CNTN6: variants seen among roughly 807,000 people sequenced by gnomAD.
CNTN6 encodes contactin-6.
CNTN6 carries 137 observed loss-of-function variants against 122.8 expected under a neutral mutation model. The ratio of observed to expected loss-of-function variants is 1.12; its 90% confidence interval spans 0.97 to 1.29. CNTN6 has a LOEUF of 1.29. CNTN6 is among the 50% of genes most tolerant of loss of function. The pLI is 0.00. For missense variants in CNTN6, 1,634 were observed against 1,223.4 expected (o/e 1.34, Z -5.01); for synonymous variants, 570 against 426.0 (o/e 1.34, Z -4.16).
intron 2 of CNTN6, among the ~76,000 whole-genome samples, chr3:1,153,324 C>T (rs2092890336): frequency 6.6e-6 from 1 of 152,130 alleles, no homozygotes; most frequent in Non-Finnish European, 1.5e-5. Context: ...GCCAACAGGG[C>T]CTAATGAGCT....
chr3:1,284,973 T>C (rs900882543), intron 5 of CNTN6, among the ~76,000 whole-genome samples: 1 of 152,178 alleles, frequency 6.6e-6, no homozygotes, highest in Non-Finnish European at 1.5e-5. Flanking sequence ...GACTTTGCCT[T>C]CTCCTGGGAG....
chr3:1,195,055 C>G (rs1191732193), intron 2 of CNTN6, among the ~76,000 whole-genome samples: 1 of 152,084 alleles, frequency 6.6e-6, no homozygotes, highest in Non-Finnish European at 1.5e-5. Flanking sequence ...TTTACTGATC[C>G]TTTACACTCC....
intron 1 of CNTN6, among the ~76,000 whole-genome samples, chr3:1,102,759 G>T (rs942873119): frequency 2.0e-5 from 3 of 148,026 alleles, no homozygotes; most frequent in Admixed American, 6.8e-5. Flanking sequence ...ATAAGAAATA[G>T]ACATGCATTA....
chr3:1,286,996 G>A (rs1243768824), intron 5 of CNTN6, among the ~76,000 whole-genome samples: 1 of 152,032 alleles, frequency 6.6e-6, no homozygotes, highest in Non-Finnish European at 1.5e-5. Flanking sequence ...AATGGTAAAG[G>A]GATCAATGCA....
rs1253320246 is a variant in CNTN6 at position 1,404,142 on chromosome 3, A to C, written c.*724A>C. The C allele has an allele frequency of 1.3e-5, 2 of 152,184 alleles. No homozygotes were observed. Among genetic ancestry groups the C allele is most frequent in the African/African-American group, 4.8e-5 (2 of 41,458 alleles). 9.4% of individuals were successfully genotyped at this position (152,184 alleles called of 1,614,324 possible). ...GAACATTTGAACTGCTGCATGAACA[A>C]ATCTCAGGTAATTATGACAAGTTGA... On this transcript the variant is annotated 3_prime_UTR_variant, in exon 23 of 23. Transcript: ENST00000446702.
intron 2 of CNTN6, among the ~76,000 whole-genome samples, chr3:1,209,546 C>A (rs186590724): frequency 6.6e-6 from 1 of 152,032 alleles, no homozygotes; most frequent in Non-Finnish European, 1.5e-5. Flanking sequence ...GATGTTCAAG[C>A]GTTATTGAAC....
At chr3:1,280,608 T>A (rs1693233818) in intron 5 of CNTN6, among the ~76,000 whole-genome samples, 1 of 151,456 alleles carries the variant, frequency 6.6e-6, no homozygotes, top group African/African-American at 2.4e-5. Flanking sequence ...GGGATTACAT[T>A]TGCACACAAC....
At chr3:1,243,959 T>C (rs982918899) in intron 4 of CNTN6, among the ~76,000 whole-genome samples, 4 of 151,892 alleles carry the variant, frequency 2.6e-5, no homozygotes, top group African/African-American at 9.7e-5. Context: ...AGGAATCGCA[T>C]TGGGAACAGA....
At chr3:1,108,364 T>C (rs72995728) in intron 1 of CNTN6, among the ~76,000 whole-genome samples, 9,836 of 152,116 alleles carry the variant, frequency 0.065, 427 homozygotes, top group Non-Finnish European at 0.089. Context: ...TTATATAAGC[T>C]TTATACATAT....
chr3:1,317,461 G>A (rs539322796), intron 7 of CNTN6, among the ~76,000 whole-genome samples: 2 of 151,864 alleles, frequency 1.3e-5, no homozygotes, highest in Admixed American at 6.6e-5. Context: ...TAACTGAAAC[G>A]TTCAAAAAGG....
chr3:1,129,112 G>A (rs1020623752), intron 1 of CNTN6, among the ~76,000 whole-genome samples: 1 of 152,046 alleles, frequency 6.6e-6, no homozygotes, highest in Non-Finnish European at 1.5e-5. Context: ...TACTTAGGGA[G>A]AAATAGATTG....
At chr3:1,264,558 A>T (rs910366363) in intron 4 of CNTN6, among the ~76,000 whole-genome samples, 14 of 152,108 alleles carry the variant, frequency 9.2e-5, no homozygotes, top group African/African-American at 2.6e-4. Flanking sequence ...CTGTATTTTT[A>T]AAATTATTTT....
At chr3:1,348,157 CAA>C (rs532282828) in intron 11 of CNTN6, among the ~76,000 whole-genome samples, 54 of 64,266 alleles carry the variant, frequency 8.4e-4, no homozygotes, top group East Asian at 2.1e-3. Context: ...ATGCTATAGA[CAA>C]AAAAAAAAAA....
chr3:1,204,062 A>T (rs759448237), intron 2 of CNTN6, among the ~76,000 whole-genome samples: 1 of 152,188 alleles, frequency 6.6e-6, no homozygotes, highest in Non-Finnish European at 1.5e-5. Flanking sequence ...TCCCACAATG[A>T]CAAAATTGCC....
At chr3:1,270,010 A>C (rs538339914) in intron 4 of CNTN6, among the ~76,000 whole-genome samples, 54 of 152,302 alleles carry the variant, frequency 3.5e-4, no homozygotes, top group African/African-American at 1.2e-3. Flanking sequence ...CAAATGTATG[A>C]CCAGTTCTAA....
intron 7 of CNTN6, among the ~76,000 whole-genome samples, chr3:1,302,207 C>T (rs1697550836): frequency 1.3e-5 from 2 of 152,060 alleles, no homozygotes; most frequent in African/African-American, 2.4e-5. Context: ...TCTAACATCT[C>T]TTCATAAAAA....
chr3:1,278,298 C>G, intron 4 of CNTN6, 115 bp from the exon 5 acceptor site: 2 of 666,786 alleles, frequency 3.0e-6, no homozygotes, highest in Non-Finnish European at 4.9e-6. Flanking sequence ...GTCTTCTGGT[C>G]AGCAAAGTAT....
intron 11 of CNTN6, among the ~76,000 whole-genome samples, chr3:1,339,487 T>C (rs1703578680): frequency 6.6e-6 from 1 of 152,126 alleles, no homozygotes; most frequent in Non-Finnish European, 1.5e-5. Context: ...ACAGCTCCGG[T>C]GCAGTGGGGC....
chr3:1,220,669 A>T lies in CNTN6; in HGVS notation c.56-18A>T. 6.3e-7 allele frequency: 1 copy of T among 1,593,986 alleles called. No homozygotes were observed. The highest frequency in any genetic ancestry group is 8.5e-7 in the Non-Finnish European group (1 of 1,172,452). On this transcript the variant is annotated intron_variant, in intron 2 of 22. Coordinates refer to ENST00000446702, the MANE Select transcript of CNTN6 (RefSeq NM_001289080.2). Reference sequence around the variant, plus strand: ...GGGCCACTTTTTTTTCATGTGATTTATTCTTTTCTTTTCCCAGGTGATGGT... The same window carrying T: ...GGGCCACTTTTTTTTCATGTGATTTTTTCTTTTCTTTTCCCAGGTGATGGT...
Sources: allele counts gnomAD v4.1 joint callset (sites outside exome capture counted in the v4.1 genomes callset), GRCh38; gene constraint gnomAD v4.1.1; transcripts MANE v1.5; gene names NCBI Gene and HGNC (gene_info 2026-07-23, HGNC 2026-07-21).